Variants in PTPRG observed in about 807,000 individuals in gnomAD.
PTPRG encodes receptor-type tyrosine-protein phosphatase gamma.
Under a neutral mutation model 165.3 loss-of-function variants are expected in PTPRG, and 102 were observed. The observed-to-expected ratio is 0.62, with a 90% CI of 0.53 to 0.73. The LOEUF is 0.73. Ranked by LOEUF, PTPRG falls within the 30% of genes least tolerant of loss-of-function variation. The probability of loss-of-function intolerance (pLI) is 0.00; values close to 1 mark genes in which losing one functional copy is unlikely to be tolerated. For synonymous variants in PTPRG, 675 were observed against 669.5 expected, an observed-to-expected ratio of 1.01 and a Z score of -0.13; for missense variants, 1,866 against 1,861.4, an observed-to-expected ratio of 1.00 and a Z score of -0.05.
chr3:61,753,619 C>G (rs770923044), intron 2 of PTPRG: 28 of 383,754 alleles, frequency 7.3e-5, no homozygotes, highest in South Asian at 4.0e-4. Context: ...GGATCTTGCT[C>G]TTTCACCCAG....
Position 62,015,299 on chromosome 3 carries a change from G to A in PTPRG, c.519+11802G>A, listed in dbSNP as rs1050215111. Among the ~76,000 whole-genome samples, 4 of 152,204 alleles carry A rather than the reference G, an allele frequency of 2.6e-5. No individual in the cohort carries two copies. The East Asian group carries it at 5.8e-4, about 22-fold the overall frequency. ...CTGTTTGAGGCAGAGGCAGGAACCCGGGGCTGCTGAAACAGCAGGAGAAAG... is the reference window on the plus strand; with the variant it reads ...CTGTTTGAGGCAGAGGCAGGAACCCAGGGCTGCTGAAACAGCAGGAGAAAG... On this transcript the variant is annotated intron_variant, in intron 4 of 29. Transcript: ENST00000474889.
chr3:61,897,483 T>C (rs1012111966), intron 2 of PTPRG, among the ~76,000 whole-genome samples: 8 of 152,224 alleles, frequency 5.3e-5, no homozygotes, highest in African/African-American at 1.9e-4. Context: ...CTGTCGTGAT[T>C]ACTATAGCTG....
At chr3:62,034,929 G>A (rs1237040337) in intron 4 of PTPRG, among the ~76,000 whole-genome samples, 2 of 152,124 alleles carry the variant, frequency 1.3e-5, no homozygotes, top group African/African-American at 4.8e-5. Flanking sequence ...GGCCATCCCT[G>A]TCCGTGGCTC....
intron 2 of PTPRG, among the ~76,000 whole-genome samples, chr3:61,961,318 G>T (rs2040147354): frequency 6.6e-6 from 1 of 152,062 alleles, no homozygotes; most frequent in African/African-American, 2.4e-5. Flanking sequence ...ATACCTTTAG[G>T]GTTGAAGTAT....
Position 61,943,942 on chromosome 3 carries a change from C to T in PTPRG, c.191-45683C>T, listed in dbSNP as rs147125921. Among the ~76,000 whole-genome samples, 769 of 152,280 alleles carry T rather than the reference C, an allele frequency of 5.0e-3. 10 individuals are homozygous for T. Among genetic ancestry groups the T allele is most frequent in the African/African-American group, 0.018 (734 of 41,556 alleles). On this transcript the variant is annotated intron_variant, in intron 2 of 29. Transcript: ENST00000474889. ...TTCAGATCTGGGTTATCTCCTTATA[C>T]TTCCTTTAGTTCTCTTACATTAAAA...
chr3:62,082,650 G>T (rs78347121), intron 5 of PTPRG, among the ~76,000 whole-genome samples: 3 of 152,102 alleles, frequency 2.0e-5, no homozygotes, highest in Admixed American at 2.0e-4. Context: ...TGACTGGCCC[G>T]GACCCCAGTA....
chr3:61,678,347 A>C (rs997204525), intron 1 of PTPRG, among the ~76,000 whole-genome samples: 2 of 152,232 alleles, frequency 1.3e-5, no homozygotes, highest in Admixed American at 6.5e-5. Context: ...GGGAAGAAAT[A>C]GTCAACATGT....
intron 1 of PTPRG, among the ~76,000 whole-genome samples, chr3:61,722,942 G>A (rs908528406): frequency 6.6e-6 from 1 of 151,750 alleles, no homozygotes; most frequent in African/African-American, 2.4e-5. Flanking sequence ...AGATACAAGT[G>A]GAACTTAAAA....
At chr3:61,802,142 G>A (rs2035268781) in intron 2 of PTPRG, among the ~76,000 whole-genome samples, 1 of 151,976 alleles carries the variant, frequency 6.6e-6, no homozygotes, top group Non-Finnish European at 1.5e-5. Context: ...CTACCCTACA[G>A]TCTGTTTAGG....
intron 4 of PTPRG, among the ~76,000 whole-genome samples, chr3:62,056,265 A>G (rs1559770605): frequency 6.6e-6 from 1 of 152,202 alleles, no homozygotes; most frequent in African/African-American, 2.4e-5. Flanking sequence ...GATATGTGTT[A>G]TGTGCTTCGT....
At chr3:61,683,213 G>C (rs1413487783) in intron 1 of PTPRG, among the ~76,000 whole-genome samples, 16 of 152,320 alleles carry the variant, frequency 1.1e-4, no homozygotes, top group Admixed American at 9.1e-4. Flanking sequence ...ATAAAGATCA[G>C]CACAATGGCC....
chr3:61,867,058 A>G (rs1259110262), intron 2 of PTPRG, among the ~76,000 whole-genome samples: 1 of 152,012 alleles, frequency 6.6e-6, no homozygotes, highest in Non-Finnish European at 1.5e-5. Context: ...TCTTCATCAG[A>G]TTGCCCGGGA....
Position 62,245,596 on chromosome 3 carries a change from A to C in PTPRG, c.2467+1698A>C, listed in dbSNP as rs1701271310. Among the ~76,000 whole-genome samples the C allele has an allele frequency of 6.6e-6, 1 of 151,926 alleles. No individual in the cohort carries two copies. The highest frequency in any genetic ancestry group is 1.5e-5 in the Non-Finnish European group (1 of 67,986). ...CCTGAAATCTTTGTTCAGTGCCTTC[A>C]CCTCTCTGAACCTTAGTTTCCAGAA... On this transcript the variant is annotated intron_variant, in intron 15 of 29. Transcript: ENST00000474889. The surrounding 1 kb of genome is among the most constrained non-coding windows in gnomAD (Gnocchi z 4.2).
intron 4 of PTPRG, among the ~76,000 whole-genome samples, chr3:62,033,062 C>T (rs747263284): frequency 2.0e-5 from 3 of 152,116 alleles, no homozygotes; most frequent in African/African-American, 7.2e-5. Context: ...TATAGATGCC[C>T]TATAAAAGTA....
intron 4 of PTPRG, among the ~76,000 whole-genome samples, chr3:62,056,432 G>A (rs1275322171): frequency 6.6e-6 from 1 of 151,530 alleles, no homozygotes; most frequent in Non-Finnish European, 1.5e-5. Flanking sequence ...TTTTTTTTAA[G>A]CACATCATTA....
chr3:62,234,958 A>C (rs891230567), intron 14 of PTPRG, among the ~76,000 whole-genome samples: 1 of 151,758 alleles, frequency 6.6e-6, no homozygotes, highest in Non-Finnish European at 1.5e-5. Flanking sequence ...GATGGTCTCA[A>C]GTATTTTAAA....
chr3:62,034,616 C>T (rs1446722022), intron 4 of PTPRG, among the ~76,000 whole-genome samples: 1 of 152,200 alleles, frequency 6.6e-6, no homozygotes, highest in Non-Finnish European at 1.5e-5. Context: ...AAAATTCTTA[C>T]CAGCTGGTAT....
At chr3:61,906,745 A>G (rs906048036) in intron 2 of PTPRG, among the ~76,000 whole-genome samples, 1 of 152,116 alleles carries the variant, frequency 6.6e-6, no homozygotes, top group African/African-American at 2.4e-5. Flanking sequence ...ACACCACTGT[A>G]TTCTAGCTGG....
At chr3:61,988,357 T>G (rs954209952) in intron 2 of PTPRG, among the ~76,000 whole-genome samples, 3 of 152,168 alleles carry the variant, frequency 2.0e-5, no homozygotes, top group Non-Finnish European at 2.9e-5. Flanking sequence ...TTATATCTAC[T>G]GTGAGCTGTT....
Sources: allele counts gnomAD v4.1 joint callset (sites outside exome capture counted in the v4.1 genomes callset), GRCh38; gene constraint gnomAD v4.1.1; non-coding constraint Gnocchi (gnomAD v3.1); transcripts MANE v1.5; gene names NCBI Gene and HGNC (gene_info 2026-07-23, HGNC 2026-07-21).